DNTTIP1: variants seen among roughly 807,000 people sequenced by gnomAD.
DNTTIP1 encodes deoxynucleotidyltransferase terminal-interacting protein 1.
A neutral mutation model predicts 52.9 loss-of-function variants in DNTTIP1; 22 were observed. The observed-to-expected ratio is 0.42, with a 90% CI of 0.30 to 0.59. The LOEUF (loss-of-function observed/expected upper bound fraction) is 0.59. DNTTIP1 is among the 20% of genes least tolerant of loss of function. The pLI is 0.22. For synonymous variants in DNTTIP1, 136 were observed against 155.1 expected (o/e 0.88, Z 0.92); for missense variants, 286 against 435.5 (o/e 0.66, Z 3.06).
intron 4 of DNTTIP1, 101 bp from the exon 5 acceptor site, chr20:45,800,973 A>G (rs2145701737): frequency 1.0e-6 from 1 of 988,324 alleles, no homozygotes; most frequent in Non-Finnish European, 1.6e-6. Flanking sequence ...CAGCCTGAGC[A>G]ACAGAGCAAG....
At position 45,809,251 on chromosome 20, in the gene DNTTIP1, T is replaced by C; in HGVS notation, c.795+66T>C. On this transcript the variant is annotated intron_variant, in intron 11 of 12. Coordinates refer to ENST00000372622, the MANE Select transcript of DNTTIP1 (RefSeq NM_052951.3). The surrounding 1 kb of genome is among the most constrained non-coding windows in gnomAD (Gnocchi z 4.2). ...CACCTGGGAACCAGGATTTTGGCTG[T>C]GGGTGACAGCCTACCTCCAAATCTG... 1 of 1,446,650 alleles carries C rather than the reference T, an allele frequency of 6.9e-7. No individual in the cohort carries two copies. Among genetic ancestry groups the C allele is most frequent in the Non-Finnish European group, 9.7e-7 (1 of 1,030,448 alleles). The allele number at this position is 1,446,650 out of a possible 1,614,324, so 89.6% of individuals were successfully genotyped here.
intron 3 of DNTTIP1, among the ~76,000 whole-genome samples, chr20:45,794,366 C>G (rs534072778): frequency 6.6e-6 from 1 of 151,920 alleles, no homozygotes; most frequent in African/African-American, 2.4e-5. Context: ...AGGCTGGTCT[C>G]GAACTCCTGA....
At chr20:45,793,290 C>T (rs1318199442) in intron 2 of DNTTIP1, among the ~76,000 whole-genome samples, 2 of 151,998 alleles carry the variant, frequency 1.3e-5, no homozygotes, top group African/African-American at 2.4e-5. Context: ...GGGCCGGGCG[C>T]GGTGGCTCAC....
At chr20:45,794,139 T>G in intron 3 of DNTTIP1, 122 bp downstream of exon 3, 1 of 562,006 alleles carries the variant, frequency 1.8e-6, no homozygotes, top group Non-Finnish European at 3.0e-6. Flanking sequence ...TTTCTTGTTG[T>G]TTTTGTTTTG....
chr20:45,793,734 T>C (rs6032544), intron 2 of DNTTIP1, among the ~76,000 whole-genome samples, 187 bp from the exon 3 acceptor site: 96,592 of 152,078 alleles, frequency 0.64, 30,982 homozygotes, highest in Admixed American at 0.72. Flanking sequence ...ATGCACTTCA[T>C]AGAGTTATTA....
chr20:45,792,411 C>T (rs6104346), intron 1 of DNTTIP1: 1 of 458,192 alleles, frequency 2.2e-6, no homozygotes, highest in Non-Finnish European at 3.9e-6. Flanking sequence ...CGGACATCAC[C>T]TGACACAGAG....
chr20:45,806,638 C>A (rs1481409591), intron 10 of DNTTIP1, among the ~76,000 whole-genome samples: 1 of 152,234 alleles, frequency 6.6e-6, no homozygotes, highest in African/African-American at 2.4e-5. Flanking sequence ...CCTGTGGGAT[C>A]CCAGAATCAC....
chr20:45,809,381 T>TAA lies in DNTTIP1; in HGVS notation c.795+196_795+197insAA, dbSNP rs1316630387. ...TCAGGTTCCCTTCCCTATCCCTAGGTCTCCCTTCCGCCCCCTCACACTTTT... is the reference window on the plus strand; with the variant it reads ...TCAGGTTCCCTTCCCTATCCCTAGGTAACTCCCTTCCGCCCCCTCACACTTTT... On this transcript the variant is annotated intron_variant, in intron 11 of 12. Transcript: ENST00000372622. This position sits in a 1 kb window ranked among gnomAD's most constrained non-coding sequence, Gnocchi z 4.2. Among the ~76,000 whole-genome samples the TAA allele has an allele frequency of 3.9e-5, 6 of 152,154 alleles. No individual in the cohort carries two copies. The highest frequency in any genetic ancestry group is 1.4e-4 in the African/African-American group (6 of 41,422).
At chr20:45,797,969 A>G (rs1981297350) in intron 4 of DNTTIP1, among the ~76,000 whole-genome samples, 1 of 152,228 alleles carries the variant, frequency 6.6e-6, no homozygotes, top group Admixed American at 6.5e-5. Flanking sequence ...TGACCCAGCC[A>G]TCCCATTACT....
chr20:45,807,836 A>G (rs915013834), intron 10 of DNTTIP1, among the ~76,000 whole-genome samples: 2 of 151,654 alleles, frequency 1.3e-5, no homozygotes, highest in African/African-American at 4.8e-5. Context: ...AGTCCTAGCT[A>G]CTCTACTCGG....
At chr20:45,800,919 AG>A (rs779157742) in intron 4 of DNTTIP1, among the ~76,000 whole-genome samples, 154 bp from the exon 5 acceptor site, 2 of 150,420 alleles carry the variant, frequency 1.3e-5, no homozygotes, top group African/African-American at 2.5e-5. Flanking sequence ...ACTTGAACCC[AG>A]GAGATGGAGG....
chr20:45,793,864 C>G (rs1282788739), intron 2 of DNTTIP1, 57 bp from the exon 3 acceptor site: 2 of 1,116,124 alleles, frequency 1.8e-6, no homozygotes, highest in Admixed American at 4.7e-5. Flanking sequence ...ACTGGGGAGG[C>G]TGGGAAAGAA....
intron 7 of DNTTIP1, 123 bp downstream of exon 7, chr20:45,802,180 G>A (rs1352614886): frequency 9.4e-7 from 1 of 1,063,072 alleles, no homozygotes; most frequent in African/African-American, 1.6e-5. Flanking sequence ...AGTCATCGTG[G>A]AGGGGGGTTA....
intron 5 of DNTTIP1, 97 bp downstream of exon 5, chr20:45,801,239 A>G (rs532411044): frequency 1.8e-4 from 256 of 1,420,982 alleles, no homozygotes; most frequent in Non-Finnish European, 2.2e-5. Flanking sequence ...ATGTACTTCC[A>G]TTTGTAGGAC....
rs1479654049 is a variant in DNTTIP1, at chr20:45,800,692, AAAATATATATATATATATATAT to A, written c.373-380_373-359del. 1.4e-3 allele frequency among the ~76,000 whole-genome samples: 45 copies of A among 32,656 alleles called. 5 individuals are homozygous for A. The highest frequency in any genetic ancestry group is 4.3e-3 in the African/African-American group (38 of 8,764). The allele number at this position is 32,656 out of a possible 152,430, so 21.4% of individuals were successfully genotyped here. A position where few individuals can be genotyped will look rare whatever the true frequency, so the allele number is the denominator to read the frequency against. On this transcript the variant is annotated intron_variant, in intron 4 of 12. Coordinates refer to ENST00000372622, the MANE Select transcript of DNTTIP1 (RefSeq NM_052951.3). Reference sequence around the variant, plus strand: ...TCCATCTCAATTTAAAAAAAAAAAAAAAATATATATATATATATATATATATATATATATATATATATATATA... The same window carrying A: ...TCCATCTCAATTTAAAAAAAAAAAAAATATATATATATATATATATATATA...
At position 45,811,313 on chromosome 20, in the gene DNTTIP1, G is replaced by A. The variant is rs1981844748; in HGVS notation, c.*118G>A. On this transcript the variant is annotated 3_prime_UTR_variant, in exon 13 of 13. Coordinates refer to ENST00000372622, the MANE Select transcript of DNTTIP1 (RefSeq NM_052951.3). ...CTCAGCGGCATTAAGCTGTGCCTGA[G>A]CGAGTTTGTAGTGACTCACTGCACA... 3.1e-5 allele frequency: 40 copies of A among 1,283,432 alleles called. No homozygotes were observed. Among genetic ancestry groups the A allele is most frequent in the Non-Finnish European group, 3.5e-5 (33 of 942,418 alleles). The allele number at this position is 1,283,432 out of a possible 1,614,324, so 79.5% of individuals were successfully genotyped here. A position where few individuals can be genotyped will look rare whatever the true frequency, so the allele number is the denominator to read the frequency against.
At chr20:45,800,769 C>G (rs1465986886) in intron 4 of DNTTIP1, among the ~76,000 whole-genome samples, 2 of 115,398 alleles carry the variant, frequency 1.7e-5, no homozygotes, top group African/African-American at 3.6e-5. Flanking sequence ...GGAAGTGGGC[C>G]GATCACTTGA....
chr20:45,801,020 G>T, intron 4 of DNTTIP1, 54 bp from the exon 5 acceptor site: 1 of 1,474,158 alleles, frequency 6.8e-7, no homozygotes. Flanking sequence ...AGTAGGTAGG[G>T]TGTGCTTACC....
In DNTTIP1 at chr20:45,811,126, G is replaced by A; in HGVS notation, c.921G>A (p.Met307Ile). 8 of 1,614,212 alleles carry A rather than the reference G, an allele frequency of 5.0e-6. No individual in the cohort carries two copies. Among genetic ancestry groups the A allele is most frequent in the Non-Finnish European group, 6.8e-6 (8 of 1,180,018 alleles). Residue 307 changes from methionine to isoleucine, a missense_variant, in exon 13 of 13, where the codon ATG (methionine) becomes ATA (isoleucine). Met to Ile is a conservative substitution (Grantham distance 10, BLOSUM62 1). This residue lies in a region of DNTTIP1 where 78 missense variants were observed against 169.0 expected (regional missense o/e 0.46). Coordinates refer to ENST00000372622, the MANE Select transcript of DNTTIP1 (RefSeq NM_052951.3). ...FVLPSWMVEK[M>I]RKYMETLRTE... ...TACCCTCCTGGATGGTGGAGAAGAT[G>A]AGAAAGTATATGGAGACACTACGGA...
Sources: allele counts gnomAD v4.1 joint callset (sites outside exome capture counted in the v4.1 genomes callset), GRCh38; gene constraint gnomAD v4.1.1; regional missense constraint gnomAD v4.1.1; non-coding constraint Gnocchi (gnomAD v3.1); transcripts MANE v1.5; gene names NCBI Gene and HGNC (gene_info 2026-07-23, HGNC 2026-07-21).